The following UNC5D variants were observed in gnomAD, a reference collection of about 807,000 sequenced individuals.
UNC5D encodes netrin receptor UNC5D.
In UNC5D, 39 loss-of-function variants were observed where a neutral mutation model predicts 105.4. That is an observed-to-expected ratio of 0.37 (90% CI 0.29 to 0.48). The LOEUF (loss-of-function observed/expected upper bound fraction) is 0.48. Among genes scored for constraint, UNC5D ranks in the 20% least tolerant of loss-of-function variants. The probability of loss-of-function intolerance (pLI) is 0.98; values close to 1 mark genes in which losing one functional copy is unlikely to be tolerated. For missense variants in UNC5D, 991 were observed against 1,202.4 expected (o/e 0.82, Z 2.60); for synonymous variants, 452 against 450.4 (o/e 1.00, Z -0.04).
intron 11 of UNC5D, among the ~76,000 whole-genome samples, chr8:35,739,287 C>T (rs564506051): frequency 3.3e-5 from 5 of 152,126 alleles, no homozygotes; most frequent in Non-Finnish European, 5.9e-5. Context: ...ATTAACCCAC[C>T]GCCGGCCCCC....
chr8:35,708,297 C>A lies in UNC5D; in HGVS notation c.1117+2336C>A, dbSNP rs139010978. Among the ~76,000 whole-genome samples the A allele has an allele frequency of 2.8e-4, 42 of 152,232 alleles. 1 individual carries two copies. Among genetic ancestry groups the A allele is most frequent in the African/African-American group, 9.6e-4 (40 of 41,552 alleles). ...TCTGTTGGCAAATCATAATGACAAA[C>A]TGGGGAAAATATGTGCACTGCATAG... On this transcript the variant is annotated intron_variant, in intron 8 of 16. Coordinates refer to ENST00000404895, the MANE Select transcript of UNC5D (RefSeq NM_080872.4).
Position 35,605,372 on chromosome 8 carries a change from C to T in UNC5D, c.570+9715C>T, listed in dbSNP as rs572666740. On this transcript the variant is annotated intron_variant, in intron 4 of 16. Coordinates refer to ENST00000404895, the MANE Select transcript of UNC5D (RefSeq NM_080872.4). ...TGCAGAACAGCAGATGTTGGTGAAC[C>T]GCAAATGCTGCTGCCTGATCGTTCC... 3.3e-3 allele frequency among the ~76,000 whole-genome samples: 498 copies of T among 152,276 alleles called. 6 individuals are homozygous for T. The highest frequency in any genetic ancestry group is 6.2e-3 in the Non-Finnish European group (422 of 68,032).
intron 1 of UNC5D, among the ~76,000 whole-genome samples, chr8:35,504,145 G>A (rs532403758): frequency 2.0e-5 from 3 of 152,216 alleles, no homozygotes; most frequent in South Asian, 4.1e-4. Flanking sequence ...ACATACTCAC[G>A]GGGGTTTGAT....
chr8:35,337,638 T>C (rs1225421408), intron 1 of UNC5D, among the ~76,000 whole-genome samples: 1 of 152,182 alleles, frequency 6.6e-6, no homozygotes, highest in African/African-American at 2.4e-5. Context: ...TTTGCTCTTT[T>C]CAGTAAGTAG....
At position 35,726,578 on chromosome 8, in the gene UNC5D, A is replaced by G. The variant is rs202184199; in HGVS notation, c.1681+49A>G. 3.3e-5 allele frequency: 52 copies of G among 1,581,350 alleles called. No individual in the cohort carries two copies. The Admixed American group carries it at 6.8e-4, about 21-fold the overall frequency. On this transcript the variant is annotated intron_variant, in intron 10 of 16. Transcript: ENST00000404895. ...GTATTTTCCATCATTTAAATGTTTC[A>G]TTTTTACACAGTTACTTCCCATCAG...
At chr8:35,351,230 C>T (rs1025475285) in intron 1 of UNC5D, among the ~76,000 whole-genome samples, 10 of 151,884 alleles carry the variant, frequency 6.6e-5, no homozygotes, top group African/African-American at 2.4e-4. Context: ...TTTTTTTCCC[C>T]CAAAATACCA....
intron 1 of UNC5D, among the ~76,000 whole-genome samples, chr8:35,386,407 T>C (rs964052699): frequency 2.6e-5 from 4 of 152,238 alleles, no homozygotes; most frequent in Non-Finnish European, 4.4e-5. Context: ...TCGGTTGACT[T>C]TCTAAAAGTA....
intron 1 of UNC5D, among the ~76,000 whole-genome samples, chr8:35,328,719 G>T (rs1810368585): frequency 6.6e-6 from 1 of 152,130 alleles, no homozygotes; most frequent in Non-Finnish European, 1.5e-5. Context: ...AATAAAGTTA[G>T]ATTGGCCCAA....
chr8:35,255,686 T>C (rs913974573), intron 1 of UNC5D: 8 of 152,190 alleles, frequency 5.3e-5, no homozygotes, highest in African/African-American at 1.9e-4. Context: ...GAATATTTAC[T>C]GTTCTTATGT....
At chr8:35,568,768 T>A (rs1206308761) in intron 3 of UNC5D, among the ~76,000 whole-genome samples, 2 of 152,192 alleles carry the variant, frequency 1.3e-5, no homozygotes, top group African/African-American at 2.4e-5. Context: ...AGATTCTGCC[T>A]AGACAGTCGG....
At chr8:35,545,347 T>C (rs1485822218) in intron 1 of UNC5D, among the ~76,000 whole-genome samples, 2 of 152,200 alleles carry the variant, frequency 1.3e-5, no homozygotes, top group Admixed American at 1.3e-4. Context: ...ACTGAAAGAA[T>C]TGACAGTTTC....
chr8:35,436,340 C>A (rs1314299174), intron 1 of UNC5D, among the ~76,000 whole-genome samples: 1 of 151,940 alleles, frequency 6.6e-6, no homozygotes, highest in Non-Finnish European at 1.5e-5. Flanking sequence ...AAATTTATAA[C>A]AAAACAAGCA....
intron 1 of UNC5D, among the ~76,000 whole-genome samples, chr8:35,512,961 G>A (rs1381717333): frequency 1.3e-5 from 2 of 151,716 alleles, no homozygotes; most frequent in Non-Finnish European, 2.9e-5. Flanking sequence ...GATTACAGAT[G>A]TGAGCCACCA....
intron 4 of UNC5D, among the ~76,000 whole-genome samples, chr8:35,675,154 T>A (rs1220017931): frequency 6.6e-6 from 1 of 152,226 alleles, no homozygotes; most frequent in Non-Finnish European, 1.5e-5. Flanking sequence ...GCTCCCAGAA[T>A]ATATTGAAGA....
intron 14 of UNC5D, among the ~76,000 whole-genome samples, chr8:35,762,842 T>C (rs1393981014): frequency 2.0e-5 from 3 of 152,208 alleles, no homozygotes; most frequent in Non-Finnish European, 4.4e-5. Flanking sequence ...AGCAGCTGTC[T>C]TTCCAGCATG....
intron 1 of UNC5D, among the ~76,000 whole-genome samples, chr8:35,429,604 C>T (rs1338295204): frequency 2.6e-5 from 4 of 152,108 alleles, no homozygotes; most frequent in Non-Finnish European, 2.9e-5. Context: ...TAAGCTTTCT[C>T]TACAAGGTAT....
intron 4 of UNC5D, among the ~76,000 whole-genome samples, chr8:35,609,444 A>C (rs1274557611): frequency 6.6e-6 from 1 of 152,218 alleles, no homozygotes. Context: ...TTTGCTGAAA[A>C]CAAGGCAGAA....
chr8:35,479,911 C>A (rs970048820), intron 1 of UNC5D, among the ~76,000 whole-genome samples: 15 of 152,034 alleles, frequency 9.9e-5, no homozygotes, highest in African/African-American at 3.4e-4. Context: ...GCACACATAG[C>A]CCCTGAACCT....
chr8:35,495,418 A>C (rs2130162004), intron 1 of UNC5D, among the ~76,000 whole-genome samples: 2 of 150,078 alleles, frequency 1.3e-5, no homozygotes, highest in Admixed American at 1.3e-4. Context: ...TGGGCCACAC[A>C]TAAAATACAC....
Sources: gnomAD v4.1 joint callset for allele counts (sites outside exome capture counted in the v4.1 genomes callset) on GRCh38, gnomAD v4.1.1 for gene constraint, MANE v1.5 for transcripts, NCBI Gene and HGNC (gene_info 2026-07-23, HGNC 2026-07-21) for gene names.